Variants in ZNF732 observed in about 807,000 individuals in gnomAD.
ZNF732 encodes the protein zinc finger protein LOC654254.
ZNF732 carries 12 observed loss-of-function variants against 11.5 expected under a neutral mutation model. The ratio of observed to expected loss-of-function variants is 1.05; its 90% CI spans 0.67 to 1.70. The LOEUF is 1.70. Ranked by LOEUF, ZNF732 falls within the 40% of genes most tolerant of loss-of-function variation. The pLI, the probability that ZNF732 is intolerant of heterozygous loss-of-function variation, is 0.00. For synonymous variants in ZNF732, 231 were observed against 236.5 expected (o/e 0.98, Z 0.21); for missense variants, 702 against 676.9 (o/e 1.04, Z -0.41).
intron 1 of ZNF732, among the ~76,000 whole-genome samples, chr4:305,053 G>A (rs1367317586): frequency 2.0e-5 from 3 of 152,190 alleles, no homozygotes; most frequent in Non-Finnish European, 2.9e-5. Context: ...TTCCCGATGA[G>A]CTCCTCCTCA....
At chr4:304,254 T>G (rs1581553293) in intron 1 of ZNF732, among the ~76,000 whole-genome samples, 1 of 151,768 alleles carries the variant, frequency 6.6e-6, no homozygotes, top group Non-Finnish European at 1.5e-5. Flanking sequence ...GGCAGCAGGG[T>G]GCAGGGAAGG....
intron 3 of ZNF732, among the ~76,000 whole-genome samples, chr4:281,162 T>A (rs1401500128): frequency 6.6e-6 from 1 of 152,170 alleles, no homozygotes; most frequent in African/African-American, 2.4e-5. Context: ...CCACTGTGAA[T>A]TGTAAAGCAG....
chr4:288,658 A>G (rs1301065322), intron 3 of ZNF732, among the ~76,000 whole-genome samples: 1 of 152,218 alleles, frequency 6.6e-6, no homozygotes, highest in African/African-American at 2.4e-5. Flanking sequence ...TCTGTTCTAA[A>G]AACAAGAAGT....
chr4:282,071 A>G (rs1553839921), intron 3 of ZNF732, among the ~76,000 whole-genome samples: 1 of 152,212 alleles, frequency 6.6e-6, no homozygotes, highest in East Asian at 1.9e-4. Context: ...TTTAACAGAA[A>G]GCTTTAACAG....
intron 1 of ZNF732, among the ~76,000 whole-genome samples, chr4:297,037 T>C (rs1553842484): frequency 6.6e-6 from 1 of 151,880 alleles, no homozygotes; most frequent in Non-Finnish European, 1.5e-5. Context: ...TGGAAGGCCG[T>C]GGTGGGGGGA....
intron 1 of ZNF732, among the ~76,000 whole-genome samples, chr4:304,207 A>G (rs1204231904): frequency 7.2e-5 from 11 of 152,160 alleles, no homozygotes; most frequent in African/African-American, 2.6e-4. Flanking sequence ...ATGGCCAGTG[A>G]GCGTCCTCGG....
At chr4:273,071 A>C (rs1298988511) in intron 3 of ZNF732, among the ~76,000 whole-genome samples, 1 of 152,132 alleles carries the variant, frequency 6.6e-6, no homozygotes, top group Non-Finnish European at 1.5e-5. Context: ...AAGAGTGCTG[A>C]AAGAAATGGT....
In ZNF732 at chr4:281,350, G is replaced by C. The variant is rs572305055; in HGVS notation, c.227-8720C>G. Among the ~76,000 whole-genome samples the C allele has an allele frequency of 2.8e-4, 43 of 152,316 alleles. No individual in the cohort carries two copies. The South Asian group carries it at 8.5e-3, about 30-fold the overall frequency. On this transcript the variant is annotated intron_variant, in intron 3 of 3. Coordinates refer to ENST00000419098, the MANE Select transcript of ZNF732 (RefSeq NM_001137608.3). ...CATACCCTCTCAGCTGTGATCAAGG[G>C]TCATTACTGCTCATCTAGGAACCTG...
intron 1 of ZNF732, among the ~76,000 whole-genome samples, chr4:302,596 G>A (rs184116757): frequency 3.9e-5 from 6 of 152,300 alleles, no homozygotes; most frequent in African/African-American, 1.4e-4. Context: ...CCTATTAGTC[G>A]CCTACAGAAA....
intron 3 of ZNF732, among the ~76,000 whole-genome samples, chr4:276,336 T>A (rs1271621107): frequency 6.6e-6 from 1 of 151,946 alleles, no homozygotes; most frequent in African/African-American, 2.4e-5. Context: ...AGTCTTACAG[T>A]GTACATAGCT....
chr4:303,084 G>A (rs2108663047), intron 1 of ZNF732, among the ~76,000 whole-genome samples: 1 of 152,264 alleles, frequency 6.6e-6, no homozygotes, highest in East Asian at 1.9e-4. Context: ...CCAGGAATTC[G>A]TCTGATTGAT....
chr4:273,868 G>GA (rs782395865), intron 3 of ZNF732, among the ~76,000 whole-genome samples: 283 of 131,102 alleles, frequency 2.2e-3, no homozygotes, highest in Non-Finnish European at 2.1e-3. Flanking sequence ...AAGGTGCTAG[G>GA]AAAAAAAAAA....
chr4:272,744 C>G (rs1432203039), intron 3 of ZNF732, 114 bp from the exon 4 acceptor site: 5 of 1,009,068 alleles, frequency 5.0e-6, no homozygotes, highest in Non-Finnish European at 6.8e-6. Context: ...AACAAAATAC[C>G]ACAGGCCATA....
In ZNF732 at chr4:273,460, C is replaced by G. The variant is rs1166739523; in HGVS notation, c.227-830G>C. Among the ~76,000 whole-genome samples the G allele has an allele frequency of 2.0e-5, 3 of 151,802 alleles. No homozygotes were observed. The East Asian group carries it at 5.8e-4, about 29-fold the overall frequency. On this transcript the variant is annotated intron_variant, in intron 3 of 3. Coordinates refer to ENST00000419098, the MANE Select transcript of ZNF732 (RefSeq NM_001137608.3). ...ATTTTTCAGAAAACAACCATAAAAACAAAGATGTACAAATTTTTAAAATGT... is the reference window on the plus strand; with the variant it reads ...ATTTTTCAGAAAACAACCATAAAAAGAAAGATGTACAAATTTTTAAAATGT...
At chr4:275,044 A>C (rs782473592) in intron 3 of ZNF732, among the ~76,000 whole-genome samples, 31 of 151,624 alleles carry the variant, frequency 2.0e-4, no homozygotes, top group Non-Finnish European at 4.1e-4. Context: ...AACCAGTATT[A>C]AACTATTACG....
Position 271,113 on chromosome 4 carries a change from C to A in ZNF732, c.1744G>T (p.Gly582Ter). Reference sequence around the variant, plus strand: ...TCTTCATATTTCTAGAGTTTCTCTCCAGTATAAATTTTATTATGTTGATTA... The same window carrying A: ...TCTTCATATTTCTAGAGTTTCTCTCAAGTATAAATTTTATTATGTTGATTA... ...YLNQHNKIYT[G>*]EKL The change falls in exon 4 of 4, where the codon GGA (glycine) becomes TGA (stop). Residue 582 changes from glycine to a stop codon, truncating the protein, a stop_gained. Coordinates refer to ENST00000419098, the MANE Select transcript of ZNF732 (RefSeq NM_001137608.3). LOFTEE classifies it high-confidence loss of function. 1 of 1,513,984 alleles carries A rather than the reference C, an allele frequency of 6.6e-7. No individual in the cohort carries two copies. Among genetic ancestry groups the A allele is most frequent in the Non-Finnish European group, 8.8e-7 (1 of 1,134,192 alleles). 93.8% of individuals were successfully genotyped at this position (1,513,984 alleles called of 1,614,324 possible). A position where few individuals can be genotyped will look rare whatever the true frequency, so the allele number is the denominator to read the frequency against.
intron 1 of ZNF732, among the ~76,000 whole-genome samples, chr4:302,763 TAA>T (rs1720142834): frequency 6.6e-6 from 1 of 152,228 alleles, no homozygotes; most frequent in African/African-American, 2.4e-5. Flanking sequence ...TACTTAAATA[TAA>T]AAGTTTTCGA....
chr4:284,447 A>T (rs1719685284), intron 3 of ZNF732, among the ~76,000 whole-genome samples: 1 of 152,228 alleles, frequency 6.6e-6, no homozygotes, highest in Admixed American at 6.5e-5. Flanking sequence ...ATGTTATAGT[A>T]ATATAATTTT....
At chr4:283,128 G>A (rs1169548362) in intron 3 of ZNF732, among the ~76,000 whole-genome samples, 1 of 152,076 alleles carries the variant, frequency 6.6e-6, no homozygotes, top group Non-Finnish European at 1.5e-5. Context: ...TTCCACGAGT[G>A]GGTTAGTCAT....
Sources: allele counts gnomAD v4.1 joint callset (sites outside exome capture counted in the v4.1 genomes callset), GRCh38; gene constraint gnomAD v4.1.1; transcripts MANE v1.5; gene names NCBI Gene and HGNC (gene_info 2026-07-23, HGNC 2026-07-21).